Variants in NFIB observed in about 807,000 individuals in gnomAD.
The protein encoded by NFIB is nuclear factor I B.
NFIB carries 11 observed loss-of-function variants against 61.5 expected under a neutral mutation model. The observed-to-expected ratio is 0.18, with a 90% CI of 0.11 to 0.30. NFIB has a LOEUF of 0.30. Ranked by LOEUF, NFIB falls within the 10% of genes least tolerant of loss-of-function variation. The pLI is 1.00. For missense variants in NFIB, 471 were observed against 608.9 expected, an observed-to-expected ratio of 0.77 and a Z score of 2.38; for synonymous variants, 260 against 216.5, an observed-to-expected ratio of 1.20 and a Z score of -1.76.
chr9:14,207,621 C>T (rs991645697), intron 2 of NFIB, among the ~76,000 whole-genome samples: 15 of 152,344 alleles, frequency 9.8e-5, no homozygotes, highest in African/African-American at 3.4e-4. Context: ...CTACCTTCCT[C>T]CTTCCCCACA....
chr9:14,119,815 T>C (rs114107244), intron 8 of NFIB, among the ~76,000 whole-genome samples: 274 of 152,244 alleles, frequency 1.8e-3, no homozygotes, highest in African/African-American at 6.4e-3. Context: ...GAAGAAACCA[T>C]ATGTCTAGGG....
chr9:14,117,723 G>C (rs1330988603), intron 8 of NFIB, among the ~76,000 whole-genome samples: 1 of 152,094 alleles, frequency 6.6e-6, no homozygotes, highest in East Asian at 1.9e-4. Flanking sequence ...TATTTAACTT[G>C]ATGTCAGGAA....
rs192002929 is a variant in NFIB, at chr9:14,276,969, T to C, written c.562+30020A>G. 2.0e-4 allele frequency among the ~76,000 whole-genome samples: 31 copies of C among 152,206 alleles called. 1 individual carries two copies. The East Asian group carries it at 3.7e-3, about 18-fold the overall frequency. The stretch of plus-strand genomic sequence containing the variant: ...AGAATAATTTTTCAATTCAGGAAAT[T>C]TCTTCATGGTGCTACGAAGAACTTT... On this transcript the variant is annotated intron_variant, in intron 2 of 10. Transcript: ENST00000380953.
chr9:14,326,698 GA>G (rs34910775), intron 1 of NFIB, among the ~76,000 whole-genome samples: 6,140 of 125,438 alleles, frequency 0.049, 405 homozygotes, highest in African/African-American at 0.17. Flanking sequence ...GTGGTTTACA[GA>G]AAAAAAAAAA....
upstream of NFIB, among the ~76,000 whole-genome samples, chr9:14,315,101 A>T (rs1339071737): frequency 6.6e-6 from 1 of 151,706 alleles, no homozygotes; most frequent in Non-Finnish European, 1.5e-5. Context: ...GCAGGCGGGG[A>T]CCTGAGCGAA....
In NFIB at chr9:14,223,126, G is replaced by A. The variant is rs145933408; in HGVS notation, c.563-43346C>T. On this transcript the variant is annotated intron_variant, in intron 2 of 10. Transcript: ENST00000380953. ...AGAGTTTATGAATTTCTGTTGAGCTGCATTCAAAGCGATCCTGGGTCACAT... is the reference window on the plus strand; with the variant it reads ...AGAGTTTATGAATTTCTGTTGAGCTACATTCAAAGCGATCCTGGGTCACAT... 1.6e-3 allele frequency among the ~76,000 whole-genome samples: 247 copies of A among 152,298 alleles called. 1 individual carries two copies. Among genetic ancestry groups the A allele is most frequent in the African/African-American group, 5.5e-3 (227 of 41,560 alleles).
intron 1 of NFIB, among the ~76,000 whole-genome samples, chr9:14,397,093 C>T (rs950754751): frequency 6.6e-6 from 1 of 152,086 alleles, no homozygotes; most frequent in African/African-American, 2.4e-5. Context: ...ATGTCCAATT[C>T]TCTCTCTCTC....
the NFIB span, among the ~76,000 whole-genome samples, chr9:14,500,577 A>C: frequency 6.6e-6 from 1 of 152,144 alleles, no homozygotes; most frequent in Admixed American, 6.5e-5. Flanking sequence ...TCAGTTTATA[A>C]TTATATTAAC....
the NFIB span, among the ~76,000 whole-genome samples, chr9:14,451,417 A>G: frequency 3.9e-5 from 6 of 152,218 alleles, no homozygotes; most frequent in East Asian, 7.7e-4. Flanking sequence ...CCCAGCTTCA[A>G]CATTGACCAA....
intron 1 of NFIB, among the ~76,000 whole-genome samples, chr9:14,380,998 C>A: frequency 7.1e-6 from 1 of 140,690 alleles, no homozygotes; most frequent in Middle Eastern, 4.0e-3. Flanking sequence ...TTTCCTGTTC[C>A]GGGAGGCAAA....
the NFIB span, among the ~76,000 whole-genome samples, chr9:14,504,568 G>A: frequency 3.3e-5 from 5 of 152,100 alleles, no homozygotes; most frequent in African/African-American, 1.2e-4. Context: ...GTATTCCTAA[G>A]TATTTTATTT....
chr9:14,456,718 C>A, the NFIB span, among the ~76,000 whole-genome samples: 1 of 152,098 alleles, frequency 6.6e-6, no homozygotes, highest in Non-Finnish European at 1.5e-5. Context: ...ATTATGTTGG[C>A]AAATGGAAGC....
intron 3 of NFIB, among the ~76,000 whole-genome samples, chr9:14,160,884 C>CCCACAGATGGCTTTGAGCTG (rs1479717264): frequency 6.7e-6 from 1 of 149,438 alleles, no homozygotes; most frequent in East Asian, 2.0e-4. Flanking sequence ...TCAAAAGCCA[C>CCCACAGATGGCTTTGAGCTG]TGCAACCCAC....
intron 6 of NFIB, among the ~76,000 whole-genome samples, chr9:14,129,245 G>C (rs906918125): frequency 4.6e-5 from 7 of 152,072 alleles, no homozygotes; most frequent in African/African-American, 1.2e-4. Context: ...AAGAACGGTA[G>C]TATCAGAATA....
the NFIB span, among the ~76,000 whole-genome samples, chr9:14,423,509 T>C: frequency 6.6e-6 from 1 of 152,220 alleles, no homozygotes; most frequent in Admixed American, 6.5e-5. Flanking sequence ...GCCTCTTCTC[T>C]ATTTACACAG....
chr9:14,187,533 T>A (rs76734655), intron 2 of NFIB, among the ~76,000 whole-genome samples: 2,846 of 152,264 alleles, frequency 0.019, 87 homozygotes, highest in African/African-American at 0.063. Context: ...AGTAATTTCA[T>A]TAACCAAAGA....
intron 2 of NFIB, among the ~76,000 whole-genome samples, chr9:14,267,345 G>A (rs2057283300): frequency 6.6e-6 from 1 of 152,156 alleles, no homozygotes; most frequent in Admixed American, 6.5e-5. Flanking sequence ...ACAGCAAAAT[G>A]CTTCTTATAG....
intron 10 of NFIB, among the ~76,000 whole-genome samples, chr9:14,089,904 G>A (rs564441953): frequency 1.3e-5 from 2 of 152,170 alleles, no homozygotes; most frequent in Non-Finnish European, 2.9e-5. Flanking sequence ...ACATATTTCT[G>A]AGTTAACATT....
At chr9:14,460,924 A>G in the NFIB span, among the ~76,000 whole-genome samples, 2 of 151,802 alleles carry the variant, frequency 1.3e-5, no homozygotes. Context: ...CAAATTTTCT[A>G]TAGTCTTTAG....
Sources: allele counts gnomAD v4.1 joint callset (sites outside exome capture counted in the v4.1 genomes callset), GRCh38; gene constraint gnomAD v4.1.1; transcripts MANE v1.5; gene names NCBI Gene and HGNC (gene_info 2026-07-23, HGNC 2026-07-21).